The following RAD51B variants were observed in gnomAD, a reference collection of about 807,000 sequenced individuals.
The protein encoded by RAD51B is RAD51 paralog B, also known as DNA repair protein RAD51 homolog 2.
A neutral mutation model predicts 42.2 loss-of-function variants in RAD51B; 38 were observed. The observed-to-expected ratio is 0.90, with a 90% confidence interval of 0.70 to 1.18. The LOEUF (loss-of-function observed/expected upper bound fraction) is 1.18. Among genes scored for constraint, RAD51B ranks in the 50% most tolerant of loss-of-function variants. The pLI is 0.00. For missense variants in RAD51B, 373 were observed against 400.7 expected, an observed-to-expected ratio of 0.93 and a Z score of 0.59; for synonymous variants, 154 against 145.2, an observed-to-expected ratio of 1.06 and a Z score of -0.43.
At chr14:68,205,306 C>G (rs944481104) in intron 7 of RAD51B, among the ~76,000 whole-genome samples, 10 of 151,960 alleles carry the variant, frequency 6.6e-5, no homozygotes, top group African/African-American at 2.4e-4. Flanking sequence ...ATAGACAAAG[C>G]CTATTTTAGG....
intron 9 of RAD51B, among the ~76,000 whole-genome samples, chr14:68,458,341 T>G (rs1484531217): frequency 6.6e-6 from 1 of 152,228 alleles, no homozygotes; most frequent in Non-Finnish European, 1.5e-5. Context: ...GTTTTATGTT[T>G]GAAAAGGTTC....
At chr14:68,580,606 C>A (rs1226922994) in intron 10 of RAD51B, among the ~76,000 whole-genome samples, 1 of 152,206 alleles carries the variant, frequency 6.6e-6, no homozygotes, top group African/African-American at 2.4e-5. Flanking sequence ...GTCACCTCCA[C>A]TGATTTTGTT....
At chr14:68,256,229 C>T (rs769282683) in intron 7 of RAD51B, among the ~76,000 whole-genome samples, 11 of 152,146 alleles carry the variant, frequency 7.2e-5, no homozygotes, top group Non-Finnish European at 1.0e-4. Flanking sequence ...TCTTTGTCAC[C>T]TGTCCAGGGC....
chr14:68,604,825 C>CTGAGTGGGTGGTCAGCAAG, intron 10 of RAD51B, among the ~76,000 whole-genome samples: 1 of 152,096 alleles, frequency 6.6e-6, no homozygotes, highest in South Asian at 2.1e-4. Context: ...TCAGGGCTCC[C>CTGAGTGGGTGGTCAGCAAG]TGAGTGAGTG....
chr14:68,326,580 G>GAACT (rs1271278908), intron 8 of RAD51B, among the ~76,000 whole-genome samples: 1 of 152,132 alleles, frequency 6.6e-6, no homozygotes, highest in Non-Finnish European at 1.5e-5. Flanking sequence ...CATGAACAGA[G>GAACT]AACTAAAGGC....
intron 8 of RAD51B, among the ~76,000 whole-genome samples, chr14:68,369,853 AT>A (rs1566838234): frequency 6.6e-6 from 1 of 151,400 alleles, no homozygotes; most frequent in Non-Finnish European, 1.5e-5. Flanking sequence ...CTGTCTATAT[AT>A]TTTTTTCTTG....
At chr14:68,670,364 C>G (rs568598501) in intron 11 of RAD51B, among the ~76,000 whole-genome samples, 2 of 152,250 alleles carry the variant, frequency 1.3e-5, no homozygotes, top group South Asian at 2.1e-4. Flanking sequence ...AAGTGCCCCC[C>G]GGCCCACCCC....
At chr14:68,654,445 C>T (rs1892767834) in intron 11 of RAD51B, among the ~76,000 whole-genome samples, 1 of 152,178 alleles carries the variant, frequency 6.6e-6, no homozygotes, top group Non-Finnish European at 1.5e-5. Flanking sequence ...AACCCCCCAC[C>T]CCCTTTAGGA....
intron 7 of RAD51B, among the ~76,000 whole-genome samples, chr14:67,949,713 G>C (rs12435554): frequency 0.18 from 27,059 of 152,000 alleles, 2,623 homozygotes; most frequent in Middle Eastern, 0.36. Context: ...ACAATCTATG[G>C]CAGAAATAGC....
At chr14:68,560,498 G>A (rs1261934638) in intron 10 of RAD51B, among the ~76,000 whole-genome samples, 1 of 152,184 alleles carries the variant, frequency 6.6e-6, no homozygotes, top group African/African-American at 2.4e-5. Flanking sequence ...CACTTTGGGA[G>A]GCTGAGGTGG....
intron 7 of RAD51B, among the ~76,000 whole-genome samples, chr14:68,163,930 A>G (rs1040983145): frequency 1.3e-5 from 2 of 152,136 alleles, no homozygotes; most frequent in Non-Finnish European, 2.9e-5. Flanking sequence ...ACTGTAATAA[A>G]TGGTGCTGGG....
intron 5 of RAD51B, among the ~76,000 whole-genome samples, chr14:67,875,669 C>A (rs1457970801): frequency 2.6e-5 from 4 of 152,142 alleles, no homozygotes. Flanking sequence ...TAGAAGTACA[C>A]TTTATGATGT....
chr14:68,568,087 T>A (rs994993592), intron 10 of RAD51B, among the ~76,000 whole-genome samples: 1 of 152,228 alleles, frequency 6.6e-6, no homozygotes, highest in East Asian at 1.9e-4. Context: ...TTCAGGTGAT[T>A]ATTGAACAGC....
At position 67,825,979 on chromosome 14, in the gene RAD51B, G is replaced by A. The variant is rs375830520; in HGVS notation, c.198+402G>A. ...TTCTGACCTCAAGTGATCTGCTTGCGTCGACCTCCCAAAGTCCTGGGATTA... is the reference window on the plus strand; with the variant it reads ...TTCTGACCTCAAGTGATCTGCTTGCATCGACCTCCCAAAGTCCTGGGATTA... On this transcript the variant is annotated intron_variant, in intron 3 of 10. Transcript: ENST00000471583. Among the ~76,000 whole-genome samples, 29 of 152,116 alleles carry A rather than the reference G, an allele frequency of 1.9e-4. No individual in the cohort carries two copies. The South Asian group carries it at 2.1e-3, about 11-fold the overall frequency.
intron 7 of RAD51B, among the ~76,000 whole-genome samples, chr14:68,134,787 A>T (rs2077974463): frequency 6.6e-6 from 1 of 150,860 alleles, no homozygotes; most frequent in African/African-American, 2.4e-5. Flanking sequence ...TGATTTTTTT[A>T]ATGTTGAATT....
intron 3 of RAD51B, among the ~76,000 whole-genome samples, chr14:67,825,959 AC>A (rs2040819244): frequency 6.6e-6 from 1 of 152,030 alleles, no homozygotes; most frequent in African/African-American, 2.4e-5. Flanking sequence ...CAAACTTCTG[AC>A]CTCAAGTGAT....
chr14:68,670,986 C>T (rs1289432347), intron 11 of RAD51B, among the ~76,000 whole-genome samples: 1 of 152,176 alleles, frequency 6.6e-6, no homozygotes, highest in Non-Finnish European at 1.5e-5. Flanking sequence ...CAGATTGCAC[C>T]CTGATGCCAG....
intron 7 of RAD51B, among the ~76,000 whole-genome samples, chr14:68,034,537 A>T (rs1372070281): frequency 6.6e-6 from 1 of 152,150 alleles, no homozygotes; most frequent in Non-Finnish European, 1.5e-5. Context: ...CCAAAGTACA[A>T]GTATTGCAAA....
At chr14:68,193,011 CA>C (rs765544152) in intron 7 of RAD51B, among the ~76,000 whole-genome samples, 4 of 152,104 alleles carry the variant, frequency 2.6e-5, no homozygotes, top group Non-Finnish European at 5.9e-5. Flanking sequence ...AAAATGTTTC[CA>C]AACTTTAAAT....
Sources: gnomAD v4.1 joint callset for allele counts (sites outside exome capture counted in the v4.1 genomes callset) on GRCh38, gnomAD v4.1.1 for gene constraint, MANE v1.5 for transcripts, NCBI Gene and HGNC (gene_info 2026-07-23, HGNC 2026-07-21) for gene names.